The following PPP2R5C variants were observed in gnomAD, a reference collection of about 807,000 sequenced individuals.
PPP2R5C encodes the protein protein phosphatase 2 regulatory subunit B'gamma, also known as serine/threonine-protein phosphatase 2A 56 kDa regulatory subunit gamma isoform.
Under a neutral mutation model 68.9 loss-of-function variants are expected in PPP2R5C, and 7 were observed. The observed-to-expected ratio is 0.10, with a 90% CI of 0.06 to 0.19. The LOEUF is 0.19. PPP2R5C is among the 10% of genes least tolerant of loss of function. The pLI is 1.00. For missense variants in PPP2R5C, 348 were observed against 641.3 expected, an observed-to-expected ratio of 0.54 and a Z score of 4.94; for synonymous variants, 210 against 222.2, an observed-to-expected ratio of 0.95 and a Z score of 0.49.
chr14:101,829,951 A>C (rs1238348540), intron 1 of PPP2R5C, among the ~76,000 whole-genome samples: 4 of 152,160 alleles, frequency 2.6e-5, no homozygotes, highest in African/African-American at 9.7e-5. Flanking sequence ...GCAAAAAAAA[A>C]AATTTTTTTT....
intron 2 of PPP2R5C, among the ~76,000 whole-genome samples, chr14:101,868,210 A>G (rs752547976): frequency 1.3e-5 from 2 of 152,236 alleles, no homozygotes; most frequent in African/African-American, 2.4e-5. Context: ...ATTTCAAGTG[A>G]GGATTTAAAT....
chr14:101,826,969 C>CTTTT (rs1030539072), intron 1 of PPP2R5C, among the ~76,000 whole-genome samples: 65 of 95,858 alleles, frequency 6.8e-4, no homozygotes, highest in East Asian at 1.2e-3. Context: ...AAATGTTTAA[C>CTTTT]TTTTTTTTTT....
At chr14:101,833,502 C>T (rs2040880651) in intron 1 of PPP2R5C, 1 of 152,170 alleles carries the variant, frequency 6.6e-6, no homozygotes, top group South Asian at 2.1e-4. Flanking sequence ...CTTCAGAAAC[C>T]ACCACCTTGG....
In PPP2R5C at chr14:101,893,166, C is replaced by T. The variant is rs144616885; in HGVS notation, c.798+58C>T. 19 of 1,206,198 alleles carry T rather than the reference C, an allele frequency of 1.6e-5. 1 individual carries two copies. The highest frequency in any genetic ancestry group is 5.1e-5 in the South Asian group (4 of 78,908). The allele number at this position is 1,206,198 out of a possible 1,614,324, so 74.7% of individuals were successfully genotyped here. A position where few individuals can be genotyped will look rare whatever the true frequency, so the allele number is the denominator to read the frequency against. On this transcript the variant is annotated intron_variant, in intron 7 of 13. Transcript: ENST00000334743. ...GTTGGCATTTGATCAGGATTGAACA[C>T]GAGATAGTGAATCCGGCCTTGACTG...
At chr14:101,904,001 C>A (rs2045877137) in intron 9 of PPP2R5C, among the ~76,000 whole-genome samples, 1 of 151,846 alleles carries the variant, frequency 6.6e-6, no homozygotes, top group Admixed American at 6.6e-5. Flanking sequence ...GTTTTTTTCA[C>A]ACCCAAAAAA....
rs369474675 is a variant in PPP2R5C at position 101,835,410 on chromosome 14, T to C, written c.95-21276T>C. 6.6e-6 allele frequency among the ~76,000 whole-genome samples: 1 copy of C among 152,276 alleles called. No homozygotes were observed. On this transcript the variant is annotated intron_variant, in intron 1 of 13. Transcript: ENST00000334743. This position sits in a 1 kb window ranked among gnomAD's most constrained non-coding sequence, Gnocchi z 5.0. ...CTCAAGAGAACTCAGTAGAGGGGAATGTTGATGATTCAGGTATTTGGTTGG... is the reference window on the plus strand; with the variant it reads ...CTCAAGAGAACTCAGTAGAGGGGAACGTTGATGATTCAGGTATTTGGTTGG...
intron 1 of PPP2R5C, chr14:101,821,202 C>A (rs1436396080): frequency 6.6e-6 from 1 of 152,146 alleles, no homozygotes; most frequent in East Asian, 1.9e-4. Context: ...AACCCTGAGC[C>A]TTCCTCTTGC....
At chr14:101,874,103 T>A (rs1424585485) in intron 2 of PPP2R5C, among the ~76,000 whole-genome samples, 2 of 152,216 alleles carry the variant, frequency 1.3e-5, no homozygotes, top group Non-Finnish European at 2.9e-5. Context: ...AATGAAAGAC[T>A]GTTTGCATAA....
chr14:101,925,103 T>C, intron 13 of PPP2R5C, 38 bp from the exon 16 acceptor site: 2 of 1,609,830 alleles, frequency 1.2e-6, no homozygotes, highest in Non-Finnish European at 1.7e-6. Context: ...TTCAGATAGC[T>C]TAGTTTGTAG....
chr14:101,904,748 C>T (rs1376796464), intron 9 of PPP2R5C, among the ~76,000 whole-genome samples: 3 of 152,190 alleles, frequency 2.0e-5, no homozygotes, highest in African/African-American at 7.2e-5. Context: ...GCAGGAGAAG[C>T]GTCAGCCCCA....
intron 1 of PPP2R5C, among the ~76,000 whole-genome samples, chr14:101,814,050 C>A (rs1180715271): frequency 6.6e-6 from 1 of 152,304 alleles, no homozygotes; most frequent in South Asian, 2.1e-4. Flanking sequence ...AATAGCTATA[C>A]ATAATGCACA....
chr14:101,834,546 C>T (rs932107111), intron 1 of PPP2R5C, among the ~76,000 whole-genome samples: 1 of 152,200 alleles, frequency 6.6e-6, no homozygotes, highest in African/African-American at 2.4e-5. Flanking sequence ...ATTCTCCTCC[C>T]AGATTCAGTG....
At chr14:101,859,274 C>T (rs538526385) in intron 2 of PPP2R5C, among the ~76,000 whole-genome samples, 1 of 152,296 alleles carries the variant, frequency 6.6e-6, no homozygotes, top group East Asian at 1.9e-4. Flanking sequence ...TACGGTGATG[C>T]CGTGAATAAA....
At chr14:101,867,060 T>C (rs569101021) in intron 2 of PPP2R5C, among the ~76,000 whole-genome samples, 2 of 152,006 alleles carry the variant, frequency 1.3e-5, no homozygotes, top group Admixed American at 1.3e-4. Context: ...CTACTAAAAT[T>C]ACAAAAATTA....
chr14:101,911,253 G>A lies in PPP2R5C; in HGVS notation c.1254-1148G>A, dbSNP rs183920020. 2.7e-3 allele frequency among the ~76,000 whole-genome samples: 417 copies of A among 152,246 alleles called. 1 individual carries two copies. Among genetic ancestry groups the A allele is most frequent in the African/African-American group, 9.3e-3 (386 of 41,560 alleles). On this transcript the variant is annotated intron_variant, in intron 11 of 13. Transcript: ENST00000334743. ...CACGCCACTGCACTCCAGCCTGGGC[G>A]ACAGAGCGAGACTCCGTCTCAAAAA...
At chr14:101,862,038 G>C (rs1179143861) in intron 2 of PPP2R5C, among the ~76,000 whole-genome samples, 10 of 152,080 alleles carry the variant, frequency 6.6e-5, no homozygotes, top group Admixed American at 6.5e-4. Flanking sequence ...TCAGCCTCCT[G>C]AGTAGCTGGG....
intron 3 of PPP2R5C, chr14:101,789,533 T>G (rs1401180406): frequency 6.6e-6 from 1 of 152,260 alleles, no homozygotes; most frequent in African/African-American, 2.4e-5. Context: ...GGTTTTGAAA[T>G]ATCTTTGCAT....
At chr14:101,881,124 C>CA (rs2044148030) in intron 2 of PPP2R5C, among the ~76,000 whole-genome samples, 1 of 152,130 alleles carries the variant, frequency 6.6e-6, no homozygotes, top group Non-Finnish European at 1.5e-5. Flanking sequence ...CATGGTGACT[C>CA]ACGCCTGTAA....
rs141337998 is a variant in PPP2R5C at position 101,915,157 on chromosome 14, A to G, written c.1327-2674A>G. On this transcript the variant is annotated intron_variant, in intron 12 of 13. Coordinates refer to ENST00000334743, the Ensembl canonical transcript of PPP2R5C. The surrounding 1 kb of genome is among the most constrained non-coding windows in gnomAD (Gnocchi z 4.2). ...AGTGGCGTGATCTCGGCTCACCACA[A>G]CCTCCGCCTCCCAGGTTCAAGCAGT... Among the ~76,000 whole-genome samples, 3,774 of 151,398 alleles carry G rather than the reference A, an allele frequency of 0.025. 125 individuals are homozygous for G. Among genetic ancestry groups the G allele is most frequent in the African/African-American group, 0.072 (2,955 of 41,186 alleles).
Sources: gnomAD v4.1 joint callset for allele counts (sites outside exome capture counted in the v4.1 genomes callset) on GRCh38, gnomAD v4.1.1 for gene constraint, Gnocchi (gnomAD v3.1) non-coding constraint, MANE v1.5 for transcripts, NCBI Gene and HGNC (gene_info 2026-07-23, HGNC 2026-07-21) for gene names.